The following CTNNA3 variants were observed in gnomAD, a reference collection of about 807,000 sequenced individuals.
CTNNA3 encodes the protein catenin alpha-3.
In CTNNA3, 76 loss-of-function variants were observed where a neutral mutation model predicts 95.7. The ratio of observed to expected loss-of-function variants is 0.79; its 90% confidence interval spans 0.66 to 0.96. The LOEUF is 0.96. Among genes scored for constraint, CTNNA3 ranks in the 40% least tolerant of loss-of-function variants. The pLI, the probability that CTNNA3 is intolerant of heterozygous loss-of-function variation, is 0.00. For missense variants in CTNNA3, 1,191 were observed against 1,089.8 expected (o/e 1.09, Z -1.31); for synonymous variants, 431 against 374.4 (o/e 1.15, Z -1.74).
chr10:67,047,749 TTAAGA>T (rs1229222430), intron 7 of CTNNA3, among the ~76,000 whole-genome samples: 1 of 152,112 alleles, frequency 6.6e-6, no homozygotes, highest in Admixed American at 6.5e-5. Context: ...TTAAATTAAA[TTAAGA>T]TTTCATTTTC....
At chr10:67,165,367 T>C (rs568161766) in intron 7 of CTNNA3, among the ~76,000 whole-genome samples, 1 of 151,950 alleles carries the variant, frequency 6.6e-6, no homozygotes, top group South Asian at 2.1e-4. Context: ...GGGCAGGTGG[T>C]AGGGGTAGGG....
intron 10 of CTNNA3, among the ~76,000 whole-genome samples, chr10:66,620,152 T>A (rs1308405323): frequency 2.0e-5 from 3 of 152,150 alleles, no homozygotes; most frequent in Non-Finnish European, 4.4e-5. Context: ...TGATAGAATG[T>A]CTTAACGAGG....
intron 10 of CTNNA3, among the ~76,000 whole-genome samples, chr10:66,570,527 T>A (rs1842839780): frequency 6.6e-6 from 1 of 152,018 alleles, no homozygotes; most frequent in Admixed American, 6.6e-5. Flanking sequence ...GACCTCGTGA[T>A]CCACCCACCT....
chr10:66,805,824 T>A (rs1194891514), intron 7 of CTNNA3, among the ~76,000 whole-genome samples: 1 of 152,068 alleles, frequency 6.6e-6, no homozygotes, highest in Non-Finnish European at 1.5e-5. Flanking sequence ...AATGCACATC[T>A]GTGTTTTTGT....
At chr10:67,754,056 A>G (rs1451556610) in intron 1 of CTNNA3, among the ~76,000 whole-genome samples, 1 of 152,228 alleles carries the variant, frequency 6.6e-6, no homozygotes, top group Admixed American at 6.5e-5. Flanking sequence ...AAAGACATGG[A>G]ATCAACCCAA....
chr10:67,437,453 A>AC (rs1651321992), intron 5 of CTNNA3, among the ~76,000 whole-genome samples: 1 of 149,710 alleles, frequency 6.7e-6, no homozygotes. Context: ...TACCATCTGT[A>AC]CCCCAATAAA....
chr10:66,435,776 G>A (rs12247795), intron 11 of CTNNA3, among the ~76,000 whole-genome samples: 5,629 of 152,172 alleles, frequency 0.037, 348 homozygotes, highest in African/African-American at 0.13. Flanking sequence ...ATGTTAGGGC[G>A]TCAAATTTAG....
At chr10:67,582,187 G>A (rs71496059) in intron 3 of CTNNA3, among the ~76,000 whole-genome samples, 1,668 of 138,984 alleles carry the variant, frequency 0.012, 26 homozygotes, top group Non-Finnish European at 0.017. Context: ...GCTTTCTCTC[G>A]TGGGCTTTTA....
intron 9 of CTNNA3, among the ~76,000 whole-genome samples, chr10:66,741,177 G>A (rs950535652): frequency 1.3e-5 from 2 of 152,076 alleles, no homozygotes; most frequent in African/African-American, 4.8e-5. Context: ...ATGCCTTCTG[G>A]TGCAGATAAA....
chr10:66,775,424 A>G lies in CTNNA3; in HGVS notation c.1128+20T>C, dbSNP rs776509226. On this transcript the variant is annotated intron_variant, in intron 8 of 17. Coordinates refer to ENST00000433211, the MANE Select transcript of CTNNA3 (RefSeq NM_013266.4). ...ATTTAGCCCCTATGTTTCTGACTCCATATCTCTCTCTTCCCTCACCTGTCT... is the reference window on the plus strand; with the variant it reads ...ATTTAGCCCCTATGTTTCTGACTCCGTATCTCTCTCTTCCCTCACCTGTCT... 8.4e-6 allele frequency: 13 copies of G among 1,553,178 alleles called. No homozygotes were observed. Among genetic ancestry groups the G allele is most frequent in the South Asian group, 4.6e-5 (4 of 86,950 alleles).
rs1409205626 is a variant in CTNNA3 at position 67,435,290 on chromosome 10, C to T, written c.579+86552G>A. On this transcript the variant is annotated intron_variant, in intron 5 of 17. Coordinates refer to ENST00000433211, the MANE Select transcript of CTNNA3 (RefSeq NM_013266.4). ...AGACAAACTCAAACATCCATACATC[C>T]GCTTTCACATTTTACTCTTAAAGAC... Among the ~76,000 whole-genome samples the T allele has an allele frequency of 5.9e-5, 9 of 152,036 alleles. No homozygotes were observed. In the East Asian group the frequency reaches 1.4e-3, roughly 23 times the overall value.
chr10:66,725,274 T>C (rs1318982757), intron 9 of CTNNA3, among the ~76,000 whole-genome samples: 1 of 152,134 alleles, frequency 6.6e-6, no homozygotes, highest in Non-Finnish European at 1.5e-5. Context: ...ATTTTCTATC[T>C]TAAGATCTAA....
At chr10:66,856,954 G>A (rs537961178) in intron 7 of CTNNA3, among the ~76,000 whole-genome samples, 2 of 152,066 alleles carry the variant, frequency 1.3e-5, no homozygotes, top group East Asian at 3.9e-4. Context: ...ATTGCTTTTG[G>A]CATTTTTGTC....
At chr10:67,589,061 A>C (rs559918362) in intron 3 of CTNNA3, among the ~76,000 whole-genome samples, 1 of 152,086 alleles carries the variant, frequency 6.6e-6, no homozygotes, top group Admixed American at 6.6e-5. Flanking sequence ...ATTATTTTTA[A>C]AAGAGAGAAA....
chr10:66,601,840 G>A (rs900204318), intron 10 of CTNNA3, among the ~76,000 whole-genome samples: 9 of 151,648 alleles, frequency 5.9e-5, no homozygotes, highest in African/African-American at 9.7e-5. Flanking sequence ...CCAGATCGTC[G>A]CCCCAACCAG....
chr10:66,871,840 C>T (rs9415867), intron 7 of CTNNA3, among the ~76,000 whole-genome samples: 135,373 of 152,138 alleles, frequency 0.89, 60,569 homozygotes, highest in East Asian at 0.99. Context: ...TTTGACTATG[C>T]TACTATCTCA....
intron 9 of CTNNA3, among the ~76,000 whole-genome samples, chr10:66,763,331 C>CAG (rs1297169147): frequency 0.018 from 1,164 of 64,354 alleles, 17 homozygotes; most frequent in African/African-American, 0.058. Context: ...CACACACACA[C>CAG]ACACACACAC....
At chr10:66,278,190 T>TG (rs2091431000) in intron 13 of CTNNA3, among the ~76,000 whole-genome samples, 1 of 141,786 alleles carries the variant, frequency 7.1e-6, no homozygotes, top group South Asian at 2.4e-4. Context: ...GCATACAAGA[T>TG]AAAAAAAAGG....
At chr10:67,220,992 C>T (rs1051154645) in intron 5 of CTNNA3, among the ~76,000 whole-genome samples, 1 of 152,052 alleles carries the variant, frequency 6.6e-6, no homozygotes, top group Non-Finnish European at 1.5e-5. Context: ...TTCCTCAAGA[C>T]CATTAACATC....
Sources: gnomAD v4.1 joint callset for allele counts (sites outside exome capture counted in the v4.1 genomes callset) on GRCh38, gnomAD v4.1.1 for gene constraint, MANE v1.5 for transcripts, NCBI Gene and HGNC (gene_info 2026-07-23, HGNC 2026-07-21) for gene names.